FGF13: variants seen among roughly 807,000 people sequenced by gnomAD.
FGF13 encodes the protein fibroblast growth factor homologous factor 2.
Under a neutral mutation model 19.5 loss-of-function variants are expected in FGF13, and 2 were observed. The ratio of observed to expected loss-of-function variants is 0.10; its 90% CI spans 0.04 to 0.32. FGF13 has a LOEUF of 0.32. Among genes scored for constraint, FGF13 ranks in the 10% least tolerant of loss-of-function variants. The pLI, the probability that FGF13 is intolerant of heterozygous loss-of-function variation, is 1.00. For missense variants in FGF13, 113 were observed against 192.7 expected (o/e 0.59, Z 2.45); for synonymous variants, 72 against 76.9 (o/e 0.94, Z 0.33).
chrX:138,905,163 T>C (rs1291672023), intron 1 of FGF13, among the ~76,000 whole-genome samples: 1 of 111,335 alleles, frequency 9.0e-6, no homozygotes, highest in Non-Finnish European at 1.9e-5. Context: ...GGGACCTTAC[T>C]GAGCACAGAA....
At chrX:139,155,901 G>A (rs926222747) in intron 1 of FGF13, among the ~76,000 whole-genome samples, 1 of 112,068 alleles carries the variant, frequency 8.9e-6, no homozygotes, top group African/African-American at 3.3e-5. Context: ...TGGGATCATG[G>A]TTTAGGGATT....
chrX:138,677,565 A>G (rs1231355889), intron 3 of FGF13, among the ~76,000 whole-genome samples: 1 of 111,156 alleles, frequency 9.0e-6, no homozygotes, highest in Non-Finnish European at 1.9e-5. Flanking sequence ...GCAGCCAAAA[A>G]ACACATGAAA....
intron 1 of FGF13, among the ~76,000 whole-genome samples, chrX:138,903,959 A>T (rs2091544760): frequency 9.0e-6 from 1 of 111,331 alleles, no homozygotes; most frequent in Non-Finnish European, 1.9e-5. Flanking sequence ...AAGGAAGGCC[A>T]CAGTGGCAGT....
intron 1 of FGF13, among the ~76,000 whole-genome samples, chrX:139,145,965 A>G (rs1036729178): frequency 8.9e-6 from 1 of 111,908 alleles, no homozygotes; most frequent in Admixed American, 9.5e-5. Context: ...TACAAAAATT[A>G]ATTCAAGATG....
intron 1 of FGF13, among the ~76,000 whole-genome samples, chrX:138,947,646 T>C: frequency 9.0e-6 from 1 of 111,327 alleles, no homozygotes; most frequent in Non-Finnish European, 1.9e-5. Context: ...GGCTAACGTC[T>C]CAGCTATCAG....
At chrX:138,891,489 T>C (rs868176601) in intron 1 of FGF13, among the ~76,000 whole-genome samples, 1 of 111,102 alleles carries the variant, frequency 9.0e-6, no homozygotes, top group Non-Finnish European at 1.9e-5. Flanking sequence ...TCACCCCTCA[T>C]GAACTCATCT....
intron 1 of FGF13, among the ~76,000 whole-genome samples, chrX:138,898,836 T>C (rs1603013258): frequency 8.9e-6 from 1 of 111,917 alleles, no homozygotes; most frequent in Non-Finnish European, 1.9e-5. Context: ...GGAGAAATAA[T>C]TGACAAAAGC....
intron 1 of FGF13, among the ~76,000 whole-genome samples, chrX:138,724,576 A>G (rs2090171355): frequency 8.9e-6 from 1 of 112,005 alleles, no homozygotes; most frequent in Admixed American, 9.5e-5. Flanking sequence ...ATTTTAGGAC[A>G]GAAGTTTTTA....
At chrX:138,671,188 G>T (rs1176569979) in intron 3 of FGF13, among the ~76,000 whole-genome samples, 1 of 111,437 alleles carries the variant, frequency 9.0e-6, no homozygotes, top group Non-Finnish European at 1.9e-5. Flanking sequence ...GTCAGCAAGT[G>T]ATAAGGAATC....
chrX:138,634,537 AT>A (rs2089160816), intron 4 of FGF13, among the ~76,000 whole-genome samples: 1 of 113,057 alleles, frequency 8.8e-6, no homozygotes, highest in Non-Finnish European at 1.9e-5. Flanking sequence ...AGGAGAGCAA[AT>A]GTTTTTGAGT....
intron 1 of FGF13, among the ~76,000 whole-genome samples, chrX:138,928,175 A>T (rs2091683635): frequency 9.0e-6 from 1 of 110,924 alleles, no homozygotes; most frequent in South Asian, 3.7e-4. Flanking sequence ...TACCAATTTG[A>T]TCTTCTTTGG....
chrX:138,939,294 A>G (rs950229943), intron 1 of FGF13, among the ~76,000 whole-genome samples: 2 of 112,196 alleles, frequency 1.8e-5, no homozygotes, highest in Non-Finnish European at 3.8e-5. Flanking sequence ...AACAAGCCCT[A>G]AGTCAAATGA....
chrX:139,204,312 A>AGCCGCCGTC (rs1419763571), upstream of FGF13: 5 of 346,612 alleles, frequency 1.4e-5, no homozygotes, highest in Non-Finnish European at 2.4e-5. Flanking sequence ...GTGAAGGAGG[A>AGCCGCCGTC]GCCGCCGTCG....
chrX:138,675,122 G>A (rs891681294), intron 3 of FGF13, among the ~76,000 whole-genome samples: 4 of 111,326 alleles, frequency 3.6e-5, no homozygotes, highest in Non-Finnish European at 7.5e-5. Flanking sequence ...AACTCTTGCC[G>A]CTTTCCCAAG....
At chrX:138,672,334 T>A (rs1387923992) in intron 3 of FGF13, among the ~76,000 whole-genome samples, 1 of 111,294 alleles carries the variant, frequency 9.0e-6, no homozygotes, top group African/African-American at 3.3e-5. Context: ...TAACAATAAC[T>A]CAGGTGTGAG....
chrX:139,117,894 C>A (rs1199951493), intron 1 of FGF13, among the ~76,000 whole-genome samples: 1 of 111,506 alleles, frequency 9.0e-6, no homozygotes, highest in Admixed American at 9.5e-5. Context: ...CTATCCTCTT[C>A]ATATTATCTC....
At chrX:138,915,376 G>T (rs942787397) in intron 1 of FGF13, among the ~76,000 whole-genome samples, 5 of 111,445 alleles carry the variant, frequency 4.5e-5, no homozygotes, top group African/African-American at 1.6e-4. Flanking sequence ...GGACATATTC[G>T]ATTGAGTTCC....
At chrX:138,931,570 G>C (rs1478931086) in intron 1 of FGF13, among the ~76,000 whole-genome samples, 1 of 111,601 alleles carries the variant, frequency 9.0e-6, no homozygotes, top group Non-Finnish European at 1.9e-5. Context: ...TCTAGTTTGG[G>C]GGCTGAGTGT....
chrX:139,140,510 G>T (rs1448741424), intron 1 of FGF13, among the ~76,000 whole-genome samples: 2 of 111,247 alleles, frequency 1.8e-5, no homozygotes, highest in Non-Finnish European at 3.8e-5. Flanking sequence ...ACTGCAACAG[G>T]CTGCTCCCTG....
Sources: allele counts gnomAD v4.1 joint callset (sites outside exome capture counted in the v4.1 genomes callset), GRCh38; gene constraint gnomAD v4.1.1; transcripts MANE v1.5; gene names NCBI Gene and HGNC (gene_info 2026-07-23, HGNC 2026-07-21).